The following IGLL5 variants were observed in gnomAD, a reference collection of about 807,000 sequenced individuals.
IGLL5 encodes the protein immunoglobulin lambda-like polypeptide 5.
Under a neutral mutation model 20.9 loss-of-function variants are expected in IGLL5, and 30 were observed. The observed-to-expected ratio is 1.44, with a 90% confidence interval of 1.07 to 1.95. The LOEUF is 1.95. Ranked by LOEUF, IGLL5 falls within the 30% of genes most tolerant of loss-of-function variation. The probability of loss-of-function intolerance (pLI) is 0.00; values close to 1 mark genes in which losing one functional copy is unlikely to be tolerated. For missense variants in IGLL5, 475 were observed against 270.7 expected (o/e 1.75, Z -5.30); for synonymous variants, 203 against 117.3 (o/e 1.73, Z -4.72).
chr22:22,889,569 A>C (rs11558460), intron 1 of IGLL5, among the ~76,000 whole-genome samples: 6 of 151,178 alleles, frequency 4.0e-5, no homozygotes, highest in East Asian at 2.0e-4. Context: ...GTGTGAAAAA[A>C]CACAATTGTA....
At chr22:22,890,305 C>T (rs75631394) in intron 1 of IGLL5, among the ~76,000 whole-genome samples, 1 of 120,628 alleles carries the variant, frequency 8.3e-6, no homozygotes, top group South Asian at 2.9e-4. Context: ...GTGTGTGTGT[C>T]CCTGAAAACA....
chr22:22,895,330 C>A, intron 2 of IGLL5, 45 bp from the exon 3 acceptor site: 1 of 1,550,584 alleles, frequency 6.4e-7, no homozygotes, highest in Non-Finnish European at 8.9e-7. Flanking sequence ...CACAACACCC[C>A]GGTATTCTGT....
At chr22:22,894,250 T>G (rs139454784) in intron 2 of IGLL5, among the ~76,000 whole-genome samples, 2 of 149,694 alleles carry the variant, frequency 1.3e-5, no homozygotes, top group Admixed American at 6.7e-5. Flanking sequence ...GCTGAGGGTC[T>G]AGGCTGAGGA....
At position 22,888,267 on chromosome 22, in the gene IGLL5, G is replaced by C. The variant is rs181787178; in HGVS notation, c.206+8G>C. 4 of 1,546,750 alleles carry C rather than the reference G, an allele frequency of 2.6e-6. No homozygotes were observed. The highest frequency in any genetic ancestry group is 2.1e-4 in the Middle Eastern group (1 of 4,730). ...GCGGAGCCTGTGGGGCAGGTAAGGG[G>C]CAAGAGATTCCAGGGGATGTGGGGG... On this transcript the variant is annotated splice_region_variant and intron_variant, in intron 1 of 2. Coordinates refer to ENST00000526893, the MANE Select transcript of IGLL5 (RefSeq NM_001178126.2).
intron 1 of IGLL5, among the ~76,000 whole-genome samples, chr22:22,891,497 AAT>A (rs1199184298): frequency 1.3e-5 from 2 of 151,100 alleles, no homozygotes; most frequent in African/African-American, 2.4e-5. Context: ...TTTTTCTCAA[AAT>A]AGTCATGTCT....
At chr22:22,894,354 G>A (rs2068020846) in intron 2 of IGLL5, among the ~76,000 whole-genome samples, 3 of 151,480 alleles carry the variant, frequency 2.0e-5, no homozygotes, top group East Asian at 2.0e-4. Flanking sequence ...GAGGGCTCTG[G>A]GTCTAGGCTG....
At chr22:22,889,151 T>C (rs191252923) in intron 1 of IGLL5, among the ~76,000 whole-genome samples, 5 of 150,758 alleles carry the variant, frequency 3.3e-5, no homozygotes, top group Admixed American at 1.3e-4. Flanking sequence ...GACGCCCGAT[T>C]AGAGGAGGGA....
At chr22:22,889,547 C>G (rs2145997423) in intron 1 of IGLL5, among the ~76,000 whole-genome samples, 2 of 151,260 alleles carry the variant, frequency 1.3e-5, no homozygotes, top group South Asian at 2.1e-4. Flanking sequence ...ATCCAAATAT[C>G]TACCAGAAAG....
At chr22:22,894,571 A>T (rs2066669198) in intron 2 of IGLL5, among the ~76,000 whole-genome samples, 2 of 151,378 alleles carry the variant, frequency 1.3e-5, no homozygotes, top group Admixed American at 6.6e-5. Flanking sequence ...GCCTTCCTCA[A>T]AGGGCATGTT....
chr22:22,890,182 A>G (rs1442183111), intron 1 of IGLL5, among the ~76,000 whole-genome samples: 2 of 149,668 alleles, frequency 1.3e-5, no homozygotes, highest in East Asian at 2.1e-4. Context: ...AAAAAAGATT[A>G]AGCAGAGAAG....
At position 22,895,723 on chromosome 22, in the gene IGLL5, G is replaced by T. The variant is rs757596377; in HGVS notation, c.*29G>T. The T allele has an allele frequency of 1.9e-6, 3 of 1,605,392 alleles. No individual in the cohort carries two copies. The highest frequency in any genetic ancestry group is 1.7e-4 in the Middle Eastern group (1 of 5,972). On this transcript the variant is annotated 3_prime_UTR_variant, in exon 3 of 3. Coordinates refer to ENST00000526893, the MANE Select transcript of IGLL5 (RefSeq NM_001178126.2). Reference sequence around the variant, plus strand: ...CCCAACTCTAACCCCACCCACGGGAGCCTGGAGCTGCAGGATCCCAGGGGA... The same window carrying T: ...CCCAACTCTAACCCCACCCACGGGATCCTGGAGCTGCAGGATCCCAGGGGA...
rs769854276 is a variant in IGLL5 at position 22,895,508 on chromosome 22, T to C, written c.459T>C (p.Asp153=). ...PGAVTVAWKA[D]GSPVKAGVET... is the part of the protein sequence containing the mutation. ...CTGTGACAGTGGCCTGGAAGGCAGA[T>C]GGCAGCCCCGTCAAGGCGGGAGTGG... is the stretch of plus-strand genomic sequence containing the variant. Residue 153 remains aspartate (D), a synonymous_variant, in exon 3 of 3, where the codon GAT becomes GAC. Coordinates refer to ENST00000526893, the MANE Select transcript of IGLL5 (RefSeq NM_001178126.2). 1.6e-5 allele frequency: 25 copies of C among 1,612,686 alleles called. No homozygotes were observed. The highest frequency in any genetic ancestry group is 1.8e-4 in the Middle Eastern group (1 of 5,696).
intron 2 of IGLL5, 26 bp from the exon 3 acceptor site, chr22:22,895,349 T>G (rs2066742419): frequency 6.2e-7 from 1 of 1,604,588 alleles, no homozygotes; most frequent in African/African-American, 1.3e-5. Context: ...GTCTGCCCTC[T>G]CTCACCCCCT....
chr22:22,895,962 G>A lies in IGLL5; in HGVS notation c.*268G>A, dbSNP rs2066758401. The stretch of plus-strand genomic sequence containing the variant: ...GGGAGGAGGCTCACAGCCTCCCTGA[G>A]TCATCTCCCCAGAGGGTCCTTCCTC... On this transcript the variant is annotated 3_prime_UTR_variant, in exon 3 of 3. Transcript: ENST00000526893. The A allele has an allele frequency of 3.5e-6, 2 of 577,794 alleles. No individual in the cohort carries two copies. The highest frequency in any genetic ancestry group is 6.1e-6 in the Non-Finnish European group (2 of 325,466). The allele number at this position is 577,794 out of a possible 1,614,324, so 35.8% of individuals were successfully genotyped here. A position where few individuals can be genotyped will look rare whatever the true frequency, so the allele number is the denominator to read the frequency against.
intron 2 of IGLL5, among the ~76,000 whole-genome samples, 193 bp downstream of exon 2, chr22:22,894,011 G>C (rs534820236): frequency 2.6e-5 from 4 of 151,562 alleles, no homozygotes; most frequent in Middle Eastern, 3.7e-3. Context: ...AGTGGGAGCA[G>C]CCGGATGCAG....
At chr22:22,891,847 T>A (rs1321479790) in intron 1 of IGLL5, among the ~76,000 whole-genome samples, 1 of 151,306 alleles carries the variant, frequency 6.6e-6, no homozygotes, top group Non-Finnish European at 1.5e-5. Flanking sequence ...TATGTTGCTC[T>A]TGTATCCAGA....
chr22:22,895,290 C>T (rs2066738078), intron 2 of IGLL5, 85 bp from the exon 3 acceptor site: 1 of 1,313,476 alleles, frequency 7.6e-7, no homozygotes, highest in Non-Finnish European at 1.1e-6. Context: ...TGTGAACCCT[C>T]CCAGAGACTT....
intron 2 of IGLL5, among the ~76,000 whole-genome samples, chr22:22,894,340 C>G (rs986923908): frequency 2.0e-5 from 3 of 151,446 alleles, no homozygotes; most frequent in South Asian, 2.1e-4. Context: ...ATGGAGGGCA[C>G]AGAGAGGGCT....
At chr22:22,888,392 T>TA (rs145300878) in intron 1 of IGLL5, 133 bp downstream of exon 1, 12,446 of 689,704 alleles carry the variant, frequency 0.018, 675 homozygotes, top group African/African-American at 0.11. Context: ...ACACTGGCTT[T>TA]AGTAATGGGT....
Sources: allele counts gnomAD v4.1 joint callset (sites outside exome capture counted in the v4.1 genomes callset), GRCh38; gene constraint gnomAD v4.1.1; transcripts MANE v1.5; gene names NCBI Gene and HGNC (gene_info 2026-07-23, HGNC 2026-07-21).